COL5A3: variants seen among roughly 807,000 people sequenced by gnomAD.
COL5A3 encodes collagen alpha-3(V) chain.
In COL5A3, 172 loss-of-function variants were observed where a neutral mutation model predicts 250.0. The observed-to-expected ratio is 0.69, with a 90% confidence interval of 0.61 to 0.78. COL5A3 has a LOEUF of 0.78. COL5A3 is among the 30% of genes least tolerant of loss of function. COL5A3 has a pLI of 0.00. For missense variants in COL5A3, 2,340 were observed against 2,334.4 expected (o/e 1.00, Z -0.05); for synonymous variants, 937 against 900.4 (o/e 1.04, Z -0.73).
rs373652963 is a variant in COL5A3 at position 9,967,884 on chromosome 19, C to T, written c.4404+20G>A. On this transcript the variant is annotated intron_variant, in intron 61 of 66. Transcript: ENST00000264828. ...TGGGGAGCTGGGATGTGTAAGCCCA[C>T]GGAAGCAGGGTGTACTCACCGGAGA... 25 of 1,610,654 alleles carry T rather than the reference C, an allele frequency of 1.6e-5. No individual in the cohort carries two copies. Among genetic ancestry groups the T allele is most frequent in the Admixed American group, 1.5e-4 (9 of 59,488 alleles).
intron 61 of COL5A3, 68 bp from the exon 62 acceptor site, chr19:9,967,468 AACAC>A (rs903323360): frequency 4.6e-5 from 46 of 997,838 alleles, no homozygotes; most frequent in South Asian, 6.9e-5. Context: ...CATACACACA[AACAC>A]ACACACACAC....
intron 24 of COL5A3, among the ~76,000 whole-genome samples, chr19:9,990,647 C>T (rs1229898197): frequency 3.3e-5 from 5 of 151,846 alleles, no homozygotes; most frequent in Non-Finnish European, 5.9e-5. Flanking sequence ...ACTGCAAGCT[C>T]CGCCTCCCAG....
At chr19:9,963,694 C>T (rs950334662) in intron 64 of COL5A3, among the ~76,000 whole-genome samples, 2 of 151,980 alleles carry the variant, frequency 1.3e-5, no homozygotes, top group African/African-American at 4.8e-5. Context: ...CCACTGTGCC[C>T]AGCCTCAGCC....
chr19:9,967,846 G>T, intron 61 of COL5A3, 58 bp downstream of exon 61: 2 of 1,535,446 alleles, frequency 1.3e-6, no homozygotes, highest in Non-Finnish European at 1.8e-6. Flanking sequence ...GGGTTCTGGT[G>T]CAGTGAAGGG....
chr19:9,996,902 G>A (rs115817088), intron 11 of COL5A3: 6,153 of 566,882 alleles, frequency 0.011, 227 homozygotes, highest in East Asian at 0.073. Flanking sequence ...CAAAGAGAAG[G>A]GGAGAGAGGG....
Position 9,992,882 on chromosome 19 carries a change from T to A in COL5A3, c.1795-2A>T, listed in dbSNP as rs771372391. 6.2e-7 allele frequency: 1 copy of A among 1,613,928 alleles called. No individual in the cohort carries two copies. The highest frequency in any genetic ancestry group is 1.7e-5 in the Admixed American group (1 of 60,012). ...GGGGCCAAGCAGTCCTCGTGGACCC[T>A]GCAAGGGAGCAGGCGAATTATTTCC... is the stretch of plus-strand genomic sequence containing the variant. On this transcript the variant is annotated splice_acceptor_variant, in intron 20 of 66. Transcript: ENST00000264828. LOFTEE classifies it high-confidence loss of function.
chr19:9,967,991 G>A (rs780688189), intron 60 of COL5A3, 35 bp downstream of exon 60: 2 of 1,598,536 alleles, frequency 1.3e-6, no homozygotes, highest in South Asian at 1.1e-5. Context: ...CCACCACAGT[G>A]ACCTCATCCC....
At position 9,993,464 on chromosome 19, in the gene COL5A3, G is replaced by A. The variant is rs192071065; in HGVS notation, c.1696-31C>T. 7,660 of 1,612,616 alleles carry A rather than the reference G, an allele frequency of 4.8e-3. 33 individuals are homozygous for A. The highest frequency in any genetic ancestry group is 5.9e-3 in the Non-Finnish European group (6,982 of 1,178,744). Reference sequence around the variant, plus strand: ...GAGGGAACAGAGGGGAGTTCAGAGTGGAAGGGTGTGGGCGGAGAGACCAGC... The same window carrying A: ...GAGGGAACAGAGGGGAGTTCAGAGTAGAAGGGTGTGGGCGGAGAGACCAGC... On this transcript the variant is annotated intron_variant, in intron 18 of 66. Coordinates refer to ENST00000264828, the MANE Select transcript of COL5A3 (RefSeq NM_015719.4).
Position 9,966,700 on chromosome 19 carries a change from A to G in COL5A3, c.4505T>C (p.Val1502Ala). 1 of 1,538,166 alleles carries G rather than the reference A, an allele frequency of 6.5e-7. No individual in the cohort carries two copies. ...LHGLRRRRRF[V>A]PVPLPVVEGG... is the part of the protein sequence containing the mutation. ...CTCCACGACTGGAAGCGGGACTGGG[A>G]CGAAGCGCCGGCGCCTGCGCAGCCC... Residue 1502 changes from valine (V) to alanine (A), a missense_variant, in exon 63 of 67, where the codon GTC becomes GCC. This residue lies in a region of COL5A3 where 1,179 missense variants were observed against 1,162.6 expected (regional missense o/e 1.01). Coordinates refer to ENST00000264828, the MANE Select transcript of COL5A3 (RefSeq NM_015719.4).
chr19:10,009,161 GGT>G lies in COL5A3; in HGVS notation c.88+1135_88+1136del, dbSNP rs4044577. 0.21 allele frequency among the ~76,000 whole-genome samples: 28,776 copies of G among 139,956 alleles called. 2,834 individuals are homozygous for G. The highest frequency in any genetic ancestry group is 0.25 in the Admixed American group (3,538 of 14,006). 91.8% of individuals were successfully genotyped at this position (139,956 alleles called of 152,430 possible). On this transcript the variant is annotated intron_variant, in intron 1 of 66. Transcript: ENST00000264828. The surrounding 1 kb of genome is among the most constrained non-coding windows in gnomAD (Gnocchi z 4.4). ...GACTCCAAAGTAAGAAGTGTGCTGT[GGT>G]GTGTGTGTGTGTGTGTGTGTGTGTG...
intron 65 of COL5A3, 64 bp downstream of exon 65, chr19:9,962,755 C>G: frequency 7.4e-7 from 1 of 1,357,624 alleles, no homozygotes; most frequent in South Asian, 1.2e-5. Context: ...ACCCACCCCT[C>G]AAACCCCCCT....
intron 4 of COL5A3, among the ~76,000 whole-genome samples, chr19:10,004,748 G>A (rs889126): frequency 0.19 from 28,829 of 152,022 alleles, 2,835 homozygotes; most frequent in South Asian, 0.32. Flanking sequence ...CACACATCAC[G>A]GTCACACACA....
At chr19:9,961,379 G>C (rs572876020) in intron 65 of COL5A3, among the ~76,000 whole-genome samples, 1 of 151,958 alleles carries the variant, frequency 6.6e-6, no homozygotes, top group Admixed American at 6.6e-5. Flanking sequence ...TTTTTGGGGG[G>C]TAAGGGTTGG....
At chr19:9,992,731 C>T in intron 21 of COL5A3, 96 bp downstream of exon 21, 1 of 1,257,510 alleles carries the variant, frequency 8.0e-7, no homozygotes, top group South Asian at 1.3e-5. Flanking sequence ...GAGCTGAGAT[C>T]TCGCCACCGC....
At chr19:9,984,029 T>C (rs1040777694) in intron 31 of COL5A3, among the ~76,000 whole-genome samples, 1 of 151,068 alleles carries the variant, frequency 6.6e-6, no homozygotes, top group Non-Finnish European at 1.5e-5. Flanking sequence ...AAATGTCTAT[T>C]TTTTTTTTCT....
Position 9,977,451 on chromosome 19 carries a change from G to A in COL5A3, c.3148C>T (p.Pro1050Ser), listed in dbSNP as rs115676421. 1.8e-3 allele frequency: 2,804 copies of A among 1,519,656 alleles called. 36 individuals carry two copies. In the African/African-American group the frequency reaches 0.032, roughly 17 times the overall value. 94.1% of individuals were successfully genotyped at this position (1,519,656 alleles called of 1,614,324 possible). ...GSRGERGPPGPTGKDGIPGPL... is the reference protein window; with the variant it reads ...GSRGERGPPGSTGKDGIPGPL... ...CCTGGGATCCCATCTTTGCCAGTGG[G>A]GCCAGGGGGGCCACGTTCTCCCTGT... is the stretch of plus-strand genomic sequence containing the variant. Residue 1050 changes from proline to serine, a missense_variant, in exon 43 of 67, where the codon CCC becomes TCC. Pro to Ser is a moderately conservative substitution (Grantham distance 74). Around this residue, in one of 3 missense-constraint regions of COL5A3, gnomAD observed 1,179 missense variants for 1,162.6 expected, o/e 1.01. Transcript: ENST00000264828.
rs142382522 is a variant in COL5A3, at chr19:9,971,243, G to A, written c.3790C>T (p.Pro1264Ser). ...AKGSVGPTGL[P>S]GDLGPPGDPG... ...TCTCCTGGGGGCCCTAGATCTCCGG[G>A]CAGCCCCGTGGGGCCCTGGAACACA... Residue 1264 changes from proline to serine, a missense_variant, in exon 52 of 67, where the codon CCC (proline) becomes TCC (serine). Pro to Ser is a moderately conservative substitution (Grantham distance 74, BLOSUM62 -1). Coordinates refer to ENST00000264828, the MANE Select transcript of COL5A3 (RefSeq NM_015719.4). 602 of 1,563,574 alleles carry A rather than the reference G, an allele frequency of 3.9e-4. No individual in the cohort carries two copies. The highest frequency in any genetic ancestry group is 5.2e-4 in the South Asian group (43 of 82,156).
Position 9,977,244 on chromosome 19 carries a change from GCCTTTACTCC to G in COL5A3, c.3263_3272del (p.Gly1088AlafsTer53). 6.2e-7 allele frequency: 1 copy of G among 1,613,698 alleles called. No individual in the cohort carries two copies. The highest frequency in any genetic ancestry group is 1.1e-5 in the South Asian group (1 of 91,048). Reference sequence around the variant, plus strand: ...CTTCACTCACCGCGTCTCCTTTATCGCCTTTACTCCCCTTGTGTCCGGGGGCACCCACATC... The same window carrying G: ...CTTCACTCACCGCGTCTCCTTTATCGCCTTGTGTCCGGGGGCACCCACATC... On this transcript the variant is annotated frameshift_variant, in exon 44 of 67. Transcript: ENST00000264828. LOFTEE classifies it high-confidence loss of function.
chr19:9,967,952 G>C lies in COL5A3; in HGVS notation c.4369-13C>G. ...GTCCTAGAGGGCCCTGTAGGGTACAGACAGGGAGAGCTGAGGTCCTGGCCT... is the reference window on the plus strand; with the variant it reads ...GTCCTAGAGGGCCCTGTAGGGTACACACAGGGAGAGCTGAGGTCCTGGCCT... On this transcript the variant is annotated splice_polypyrimidine_tract_variant and intron_variant, in intron 60 of 66. Coordinates refer to ENST00000264828, the MANE Select transcript of COL5A3 (RefSeq NM_015719.4). 3 of 1,612,138 alleles carry C rather than the reference G, an allele frequency of 1.9e-6. No individual in the cohort carries two copies. The highest frequency in any genetic ancestry group is 1.7e-4 in the Middle Eastern group (1 of 6,056).
Sources: gnomAD v4.1 joint callset for allele counts (sites outside exome capture counted in the v4.1 genomes callset) on GRCh38, gnomAD v4.1.1 for gene constraint, gnomAD v4.1.1 regional missense constraint, Gnocchi (gnomAD v3.1) non-coding constraint, MANE v1.5 for transcripts, NCBI Gene and HGNC (gene_info 2026-07-23, HGNC 2026-07-21) for gene names.